NT5C3A: variants seen among roughly 807,000 people sequenced by gnomAD.
NT5C3A encodes the protein 5'-nucleotidase, cytosolic IIIA.
A neutral mutation model predicts 40.0 loss-of-function variants in NT5C3A; 23 were observed. The observed-to-expected ratio is 0.58, with a 90% CI of 0.41 to 0.81. NT5C3A has a LOEUF of 0.81. NT5C3A is among the 40% of genes least tolerant of loss of function. NT5C3A has a pLI of 0.00. For missense variants in NT5C3A, 328 were observed against 403.0 expected (o/e 0.81, Z 1.59); for synonymous variants, 130 against 141.4 (o/e 0.92, Z 0.57).
At chr7:33,056,333 T>C (rs1035578961) in intron 1 of NT5C3A, among the ~76,000 whole-genome samples, 4 of 151,476 alleles carry the variant, frequency 2.6e-5, no homozygotes, top group Non-Finnish European at 5.9e-5. Flanking sequence ...AAAATTGAGA[T>C]ATGGAGATAT....
intron 1 of NT5C3A, among the ~76,000 whole-genome samples, chr7:33,027,903 T>C (rs1398929461): frequency 6.6e-6 from 1 of 151,756 alleles, no homozygotes; most frequent in African/African-American, 2.4e-5. Context: ...CTGGCTTTTA[T>C]GAATTAATAC....
intron 1 of NT5C3A, among the ~76,000 whole-genome samples, chr7:33,028,762 G>A (rs1417875673): frequency 6.6e-6 from 1 of 151,958 alleles, no homozygotes; most frequent in South Asian, 2.1e-4. Context: ...TAACGAAAGT[G>A]TAGAGGAAAG....
chr7:33,023,502 G>A (rs1436079427), intron 3 of NT5C3A, among the ~76,000 whole-genome samples: 1 of 152,024 alleles, frequency 6.6e-6, no homozygotes, highest in East Asian at 1.9e-4. Flanking sequence ...CAAATGATCT[G>A]CCCGCCTCAG....
At chr7:33,015,998 A>C in intron 7 of NT5C3A, 128 bp from the exon 8 acceptor site, 2 of 697,874 alleles carry the variant, frequency 2.9e-6, no homozygotes, top group Non-Finnish European at 5.1e-6. Context: ...GATACTAGAG[A>C]TCTCAAAGCA....
chr7:33,032,773 A>G (rs1271643686), intron 1 of NT5C3A, among the ~76,000 whole-genome samples: 1 of 151,388 alleles, frequency 6.6e-6, no homozygotes, highest in Admixed American at 6.6e-5. Context: ...AAAATTTTTG[A>G]GACAAGGTCT....
At chr7:33,038,725 A>T (rs1355574665) in intron 1 of NT5C3A, 1 of 385,830 alleles carries the variant, frequency 2.6e-6, no homozygotes, top group Non-Finnish European at 5.1e-6. Flanking sequence ...GCATTCTGGC[A>T]CTATTCTAAG....
At chr7:33,021,610 AC>A (rs1318637567) in intron 4 of NT5C3A, among the ~76,000 whole-genome samples, 2 of 152,172 alleles carry the variant, frequency 1.3e-5, no homozygotes, top group African/African-American at 4.8e-5. Flanking sequence ...TACAAAAAAC[AC>A]TTTAGTTTTC....
At chr7:33,027,788 C>G (rs117255832) in intron 1 of NT5C3A, among the ~76,000 whole-genome samples, 2,076 of 152,242 alleles carry the variant, frequency 0.014, 25 homozygotes, top group South Asian at 0.065. Context: ...AATACAGTAA[C>G]TAAACTTCCA....
At chr7:33,061,866 A>C (rs1787791683) in intron 1 of NT5C3A, among the ~76,000 whole-genome samples, 1 of 152,304 alleles carries the variant, frequency 6.6e-6, no homozygotes, top group East Asian at 1.9e-4. Flanking sequence ...TTTTGAAACA[A>C]TTACTTATAA....
At chr7:33,025,707 T>C (rs1785890543) in intron 2 of NT5C3A, among the ~76,000 whole-genome samples, 1 of 151,392 alleles carries the variant, frequency 6.6e-6, no homozygotes, top group Non-Finnish European at 1.5e-5. Context: ...TAATAAAAAC[T>C]TAAGAGTATT....
rs556658754 is a variant in NT5C3A at position 33,030,230 on chromosome 7, T to C, written c.139-3315A>G. Among the ~76,000 whole-genome samples the C allele has an allele frequency of 6.6e-5, 10 of 152,322 alleles. No homozygotes were observed. In the South Asian group the frequency reaches 2.1e-3, roughly 32 times the overall value. On this transcript the variant is annotated intron_variant, in intron 1 of 8. Coordinates refer to ENST00000610140, the MANE Select transcript of NT5C3A (RefSeq NM_001002010.5). ...GTATGGAATATGTCAAAGAGTATCA[T>C]AATATAAGCACACTGTAGAAGTATG...
intron 1 of NT5C3A, among the ~76,000 whole-genome samples, chr7:33,059,984 C>T (rs1787713574): frequency 6.6e-6 from 1 of 152,158 alleles, no homozygotes; most frequent in Non-Finnish European, 1.5e-5. Context: ...CTCTGGGTGA[C>T]TCTGTCACCC....
At chr7:33,044,403 A>G (rs1458824889) in intron 1 of NT5C3A, among the ~76,000 whole-genome samples, 3 of 149,038 alleles carry the variant, frequency 2.0e-5, no homozygotes, top group South Asian at 4.3e-4. Context: ...ATTTTTTTTG[A>G]GAAGGGATAG....
At chr7:33,044,279 G>A (rs1270778560) in intron 1 of NT5C3A, among the ~76,000 whole-genome samples, 1 of 152,120 alleles carries the variant, frequency 6.6e-6, no homozygotes, top group Non-Finnish European at 1.5e-5. Context: ...AGAAGTCTAT[G>A]AATGAGTAAG....
intron 1 of NT5C3A, chr7:33,029,624 C>A: frequency 7.8e-7 from 1 of 1,284,254 alleles, no homozygotes; most frequent in South Asian, 1.2e-5. Flanking sequence ...CCCAAGATGT[C>A]TTACCTCAGG....
intron 5 of NT5C3A, among the ~76,000 whole-genome samples, chr7:33,020,729 T>C (rs1347041927): frequency 6.6e-6 from 1 of 152,086 alleles, no homozygotes; most frequent in Non-Finnish European, 1.5e-5. Context: ...ATTCCTCTGA[T>C]CATTCTGGTG....
chr7:33,026,023 TAA>T (rs1785908408), intron 2 of NT5C3A, among the ~76,000 whole-genome samples: 1 of 152,156 alleles, frequency 6.6e-6, no homozygotes, highest in Non-Finnish European at 1.5e-5. Flanking sequence ...CTGTCTCTAC[TAA>T]AAATATAAAA....
chr7:33,046,809 T>TC (rs1169995523), intron 1 of NT5C3A, among the ~76,000 whole-genome samples: 1 of 151,632 alleles, frequency 6.6e-6, no homozygotes, highest in Non-Finnish European at 1.5e-5. Context: ...CACTGACTTT[T>TC]TTTTTTTTTT....
Position 33,021,314 on chromosome 7 carries a change from G to A in NT5C3A, c.398C>T (p.Pro133Leu), listed in dbSNP as rs1410265135. The part of the protein sequence containing the change: ...KEKYYAIEVD[P>L]VLTVEEKYPY... ...GTACTTCTCTTCTACAGTAAGAACAGGATCAACTTCAATAGCGTAATATTT... is the reference window on the plus strand; with the variant it reads ...GTACTTCTCTTCTACAGTAAGAACAAGATCAACTTCAATAGCGTAATATTT... Residue 133 changes from proline to leucine, a missense_variant, in exon 5 of 9, where the codon CCT (proline) becomes CTT (leucine). By Grantham distance (98) the Pro-to-Leu change is moderately conservative. Transcript: ENST00000610140. The A allele has an allele frequency of 1.2e-6, 2 of 1,612,146 alleles. No homozygotes were observed. The highest frequency in any genetic ancestry group is 1.3e-5 in the African/African-American group (1 of 74,928).
Sources: allele counts gnomAD v4.1 joint callset (sites outside exome capture counted in the v4.1 genomes callset), GRCh38; gene constraint gnomAD v4.1.1; transcripts MANE v1.5; gene names NCBI Gene and HGNC (gene_info 2026-07-23, HGNC 2026-07-21).